The following SLC44A5 variants were observed in gnomAD, a reference collection of about 807,000 sequenced individuals.
The protein encoded by SLC44A5 is choline transporter-like protein 5.
SLC44A5 carries 57 observed loss-of-function variants against 101.8 expected under a neutral mutation model. That is an observed-to-expected ratio of 0.56 (90% CI 0.45 to 0.70). The LOEUF (loss-of-function observed/expected upper bound fraction) is 0.70. SLC44A5 is among the 30% of genes least tolerant of loss of function. SLC44A5 has a pLI of 0.00. For synonymous variants in SLC44A5, 281 were observed against 290.9 expected (o/e 0.97, Z 0.35); for missense variants, 737 against 853.1 (o/e 0.86, Z 1.70).
chr1:75,440,913 A>G (rs1366377600), intron 2 of SLC44A5, among the ~76,000 whole-genome samples: 1 of 151,422 alleles, frequency 6.6e-6, no homozygotes, highest in African/African-American at 2.4e-5. Context: ...TTGGGAGGTT[A>G]TAATACAAAT....
chr1:75,527,314 A>AAGGGAAGG (rs1670472221), intron 2 of SLC44A5, among the ~76,000 whole-genome samples: 1 of 133,884 alleles, frequency 7.5e-6, no homozygotes, highest in Admixed American at 7.6e-5. Flanking sequence ...GACAGAAAGG[A>AAGGGAAGG]AGGGAGGGAG....
intron 5 of SLC44A5, among the ~76,000 whole-genome samples, chr1:75,294,098 T>C (rs958321921): frequency 2.0e-5 from 3 of 152,216 alleles, no homozygotes; most frequent in African/African-American, 7.2e-5. Flanking sequence ...TCTTACTTTT[T>C]AATTGGGAGA....
chr1:75,273,227 T>G (rs1651636671), intron 6 of SLC44A5, among the ~76,000 whole-genome samples: 1 of 152,142 alleles, frequency 6.6e-6, no homozygotes, highest in Non-Finnish European at 1.5e-5. Flanking sequence ...TTGTGTACAT[T>G]GATTTTGTAA....
intron 1 of SLC44A5, among the ~76,000 whole-genome samples, chr1:75,595,918 T>C (rs1674604859): frequency 6.6e-6 from 1 of 152,166 alleles, no homozygotes; most frequent in African/African-American, 2.4e-5. Flanking sequence ...AGAGATAATT[T>C]AGCATCACAT....
chr1:75,459,451 T>C (rs1359162557), intron 2 of SLC44A5, among the ~76,000 whole-genome samples: 1 of 152,204 alleles, frequency 6.6e-6, no homozygotes, highest in Admixed American at 6.5e-5. Flanking sequence ...CCAAAACTTT[T>C]TATATGATCC....
intron 1 of SLC44A5, among the ~76,000 whole-genome samples, chr1:75,609,296 T>C (rs1462930321): frequency 6.6e-6 from 1 of 151,634 alleles, no homozygotes; most frequent in African/African-American, 2.4e-5. Flanking sequence ...TAGGGTTTCA[T>C]TTCTTTGGGT....
At chr1:75,535,510 C>T (rs1437249121) in intron 2 of SLC44A5, among the ~76,000 whole-genome samples, 1 of 152,124 alleles carries the variant, frequency 6.6e-6, no homozygotes, top group Non-Finnish European at 1.5e-5. Context: ...CTCACCTTAG[C>T]CCCCTAAGTT....
At chr1:75,543,951 G>T (rs188272087) in intron 1 of SLC44A5, among the ~76,000 whole-genome samples, 1 of 152,154 alleles carries the variant, frequency 6.6e-6, no homozygotes, top group East Asian at 1.9e-4. Flanking sequence ...GCTCAGGCAG[G>T]TGATTAATAA....
At chr1:75,594,887 GTAGA>G (rs1341588759) in intron 1 of SLC44A5, among the ~76,000 whole-genome samples, 1 of 151,736 alleles carries the variant, frequency 6.6e-6, no homozygotes, top group Admixed American at 6.6e-5. Context: ...ATTAGTGAGG[GTAGA>G]TAAAGTCAAT....
the SLC44A5 span, among the ~76,000 whole-genome samples, chr1:75,688,246 G>C: frequency 6.6e-6 from 1 of 152,330 alleles, no homozygotes; most frequent in South Asian, 2.1e-4. Context: ...CCCAGGAAGA[G>C]TCTTCCATTT....
chr1:75,637,623 C>A, the SLC44A5 span, among the ~76,000 whole-genome samples: 4 of 151,710 alleles, frequency 2.6e-5, no homozygotes, highest in Non-Finnish European at 5.9e-5. Context: ...CACTGAATTG[C>A]AACTGAAAAA....
chr1:75,349,024 C>T (rs1658448614), intron 3 of SLC44A5, among the ~76,000 whole-genome samples: 1 of 152,080 alleles, frequency 6.6e-6, no homozygotes, highest in Non-Finnish European at 1.5e-5. Context: ...TAGAATGTAG[C>T]ATAGAGAAAT....
At chr1:75,694,079 T>C in the SLC44A5 span, among the ~76,000 whole-genome samples, 3 of 150,334 alleles carry the variant, frequency 2.0e-5, no homozygotes, top group African/African-American at 7.4e-5. Flanking sequence ...AGTGATAATA[T>C]CACATTTATA....
At chr1:75,624,700 C>T in the SLC44A5 span, among the ~76,000 whole-genome samples, 2 of 152,056 alleles carry the variant, frequency 1.3e-5, no homozygotes, top group African/African-American at 4.8e-5. Context: ...AAACTTCTTC[C>T]ACTAGAAGAG....
chr1:75,217,280 G>A (rs2100485848), intron 18 of SLC44A5, among the ~76,000 whole-genome samples: 1 of 152,090 alleles, frequency 6.6e-6, no homozygotes, highest in Non-Finnish European at 1.5e-5. Flanking sequence ...ACCTCTATAT[G>A]TCTGTCCTTA....
chr1:75,592,043 G>A (rs2102113059), intron 1 of SLC44A5, among the ~76,000 whole-genome samples: 1 of 152,058 alleles, frequency 6.6e-6, no homozygotes, highest in East Asian at 1.9e-4. Context: ...AATCAGACAA[G>A]AGAAAAATAT....
chr1:75,632,767 CCTT>C, the SLC44A5 span, among the ~76,000 whole-genome samples: 1 of 152,128 alleles, frequency 6.6e-6, no homozygotes, highest in Non-Finnish European at 1.5e-5. Context: ...ATAAGTTAGT[CCTT>C]CTGCTTCTGG....
At chr1:75,509,329 CTGTT>C (rs555605435) in intron 2 of SLC44A5, among the ~76,000 whole-genome samples, 1 of 152,152 alleles carries the variant, frequency 6.6e-6, no homozygotes, top group Non-Finnish European at 1.5e-5. Context: ...ATTTCTGAAA[CTGTT>C]TGATATCAAA....
intron 1 of SLC44A5, among the ~76,000 whole-genome samples, chr1:75,586,988 A>G (rs1481406374): frequency 2.6e-5 from 4 of 152,092 alleles, no homozygotes; most frequent in African/African-American, 9.7e-5. Context: ...TTATCAAAGC[A>G]GTGGTTCTCA....
Sources: allele counts gnomAD v4.1 joint callset (sites outside exome capture counted in the v4.1 genomes callset), GRCh38; gene constraint gnomAD v4.1.1; transcripts MANE v1.5; gene names NCBI Gene and HGNC (gene_info 2026-07-23, HGNC 2026-07-21).